Variants in BMPR1A observed in about 807,000 individuals in gnomAD.
The protein encoded by BMPR1A is bone morphogenetic protein receptor type-1A.
BMPR1A carries 7 observed loss-of-function variants against 66.0 expected under a neutral mutation model. The ratio of observed to expected loss-of-function variants is 0.11; its 90% CI spans 0.06 to 0.20. The LOEUF is 0.20. BMPR1A is among the 10% of genes least tolerant of loss of function. BMPR1A has a pLI of 1.00. For missense variants in BMPR1A, 408 were observed against 669.1 expected, an observed-to-expected ratio of 0.61 and a Z score of 4.31; for synonymous variants, 200 against 229.7, an observed-to-expected ratio of 0.87 and a Z score of 1.17.
intron 7 of BMPR1A, among the ~76,000 whole-genome samples, chr10:86,911,086 T>C (rs957180424): frequency 6.7e-6 from 1 of 148,652 alleles, no homozygotes; most frequent in African/African-American, 2.5e-5. Flanking sequence ...GCCCAGGAGG[T>C]TGAAGCTTCA....
chr10:86,765,192 T>C (rs1333896109), intron 1 of BMPR1A, among the ~76,000 whole-genome samples: 1 of 152,164 alleles, frequency 6.6e-6, no homozygotes, highest in Admixed American at 6.5e-5. Flanking sequence ...CTTTAAAATC[T>C]AGTATAAATC....
chr10:86,856,308 A>T, intron 2 of BMPR1A: 1 of 477,186 alleles, frequency 2.1e-6, no homozygotes, highest in South Asian at 1.6e-5. Flanking sequence ...GAATGGTGGG[A>T]GCCCTGGCCC....
intron 1 of BMPR1A, among the ~76,000 whole-genome samples, chr10:86,788,978 C>T (rs1453262946): frequency 6.6e-6 from 1 of 152,096 alleles, no homozygotes; most frequent in Non-Finnish European, 1.5e-5. Flanking sequence ...TCCTCTGACC[C>T]TTCTCTTACC....
At chr10:86,808,571 A>G (rs1241973333) in intron 1 of BMPR1A, among the ~76,000 whole-genome samples, 1 of 152,230 alleles carries the variant, frequency 6.6e-6, no homozygotes, top group East Asian at 1.9e-4. Context: ...TTTGAATCCT[A>G]GTTCTCCACT....
intron 1 of BMPR1A, among the ~76,000 whole-genome samples, chr10:86,801,873 C>T (rs1395558879): frequency 3.3e-5 from 5 of 151,952 alleles, no homozygotes; most frequent in Admixed American, 2.0e-4. Context: ...CCACCATGCC[C>T]GGCTAATTTT....
At chr10:86,892,517 A>G (rs1450781105) in intron 5 of BMPR1A, among the ~76,000 whole-genome samples, 1 of 152,126 alleles carries the variant, frequency 6.6e-6, no homozygotes, top group African/African-American at 2.4e-5. Context: ...ATCTCCGCTC[A>G]CTGCAACCTC....
intron 1 of BMPR1A, among the ~76,000 whole-genome samples, chr10:86,813,353 A>T (rs1841994853): frequency 6.6e-6 from 1 of 152,166 alleles, no homozygotes. Context: ...ATCTCCAAGA[A>T]GCCTTGGGTT....
intron 1 of BMPR1A, among the ~76,000 whole-genome samples, chr10:86,791,885 CTT>C (rs548020994): frequency 7.3e-6 from 1 of 137,482 alleles, no homozygotes; most frequent in Non-Finnish European, 1.6e-5. Flanking sequence ...CCATGCCTGG[CTT>C]TTTTTTTTTT....
In BMPR1A at chr10:86,857,486, A is replaced by G. The variant is rs367610283; in HGVS notation, c.-152-18381A>G. Among the ~76,000 whole-genome samples, 54 of 152,282 alleles carry G rather than the reference A, an allele frequency of 3.5e-4. No homozygotes were observed. The East Asian group carries it at 6.8e-3, about 19-fold the overall frequency. On this transcript the variant is annotated intron_variant, in intron 2 of 12. Coordinates refer to ENST00000372037, the MANE Select transcript of BMPR1A (RefSeq NM_004329.3). ...TTGCTGCATAACAGTTTATCCCAAA[A>G]CTTAATGACATGAAACCCTAATTTA...
rs587781556 is a variant in BMPR1A, at chr10:86,890,112, G to A, written c.118G>A (p.Asp40Asn). 24 of 1,613,744 alleles carry A rather than the reference G, an allele frequency of 1.5e-5. No individual in the cohort carries two copies. The highest frequency in any genetic ancestry group is 7.7e-5 in the South Asian group (7 of 91,044). Reference sequence around the variant, plus strand: ...TGGCACTGGGATGAAATCAGACTCCGACCAGAAAAAGTCAGAAAATGGAGT... The same window carrying A: ...TGGCACTGGGATGAAATCAGACTCCAACCAGAAAAAGTCAGAAAATGGAGT... ...LHGTGMKSDSDQKKSENGVTL... is the reference protein window; with the variant it reads ...LHGTGMKSDSNQKKSENGVTL... The change falls in exon 4 of 13, where the codon GAC becomes AAC. Residue 40 changes from aspartate to asparagine, a missense_variant. Asp to Asn is a conservative substitution (Grantham distance 23). Transcript: ENST00000372037.
At chr10:86,768,073 A>G (rs1241922968) in intron 1 of BMPR1A, among the ~76,000 whole-genome samples, 1 of 152,148 alleles carries the variant, frequency 6.6e-6, no homozygotes, top group Non-Finnish European at 1.5e-5. Context: ...ATTATTCTAC[A>G]TATGTGAATC....
chr10:86,792,013 C>T (rs1348402155), intron 1 of BMPR1A, among the ~76,000 whole-genome samples: 3 of 151,358 alleles, frequency 2.0e-5, no homozygotes. Flanking sequence ...GCCACTGTTC[C>T]CAGCCTCCAG....
chr10:86,809,594 TC>T, intron 1 of BMPR1A, among the ~76,000 whole-genome samples: 1 of 99,680 alleles, frequency 1.0e-5, no homozygotes, highest in Non-Finnish European at 1.8e-5. Flanking sequence ...ACACCCGACC[TC>T]TTTTTTTTTT....
chr10:86,879,602 AATGCTCATGTTGCT>A (rs1235567849), intron 3 of BMPR1A, among the ~76,000 whole-genome samples: 1 of 152,156 alleles, frequency 6.6e-6, no homozygotes, highest in Non-Finnish European at 1.5e-5. Flanking sequence ...CATATGCTAA[AATGCTCATGTTGCT>A]ATGAAATTTT....
At chr10:86,821,434 C>T (rs866942978) in intron 1 of BMPR1A, among the ~76,000 whole-genome samples, 3 of 152,106 alleles carry the variant, frequency 2.0e-5, no homozygotes, top group Admixed American at 6.5e-5. Context: ...CGTCATTAAG[C>T]GTGTTGTAAG....
At chr10:86,760,236 C>CTTTTTT (rs1841025275) in intron 1 of BMPR1A, among the ~76,000 whole-genome samples, 6 of 20,060 alleles carry the variant, frequency 3.0e-4, no homozygotes, top group East Asian at 2.6e-3. Flanking sequence ...TTCTTTCTTT[C>CTTTTTT]TTTCTTTCTT....
At chr10:86,903,599 A>G (rs908891419) in intron 7 of BMPR1A, among the ~76,000 whole-genome samples, 1 of 148,892 alleles carries the variant, frequency 6.7e-6, no homozygotes, top group Non-Finnish European at 1.5e-5. Context: ...TATTATTATT[A>G]TTTTTATTTA....
At chr10:86,927,975 G>T (rs1843766651), downstream of BMPR1A, 1 of 178,762 alleles carries the variant, frequency 5.6e-6, no homozygotes, top group East Asian at 9.3e-5. Context: ...GTATACTTTA[G>T]TGATGTGTTT....
At chr10:86,864,647 A>G (rs1050862664) in intron 2 of BMPR1A, among the ~76,000 whole-genome samples, 7 of 152,204 alleles carry the variant, frequency 4.6e-5, no homozygotes, top group Non-Finnish European at 7.3e-5. Context: ...ATAGAGCCCA[A>G]AAACTTGCCA....
Sources: allele counts gnomAD v4.1 joint callset (sites outside exome capture counted in the v4.1 genomes callset), GRCh38; gene constraint gnomAD v4.1.1; transcripts MANE v1.5; gene names NCBI Gene and HGNC (gene_info 2026-07-23, HGNC 2026-07-21).